The following ASTN2 variants were observed in gnomAD, a reference collection of about 807,000 sequenced individuals.
The protein encoded by ASTN2 is astrotactin-2.
ASTN2 carries 54 observed loss-of-function variants against 139.8 expected under a neutral mutation model. That is an observed-to-expected ratio of 0.39 (90% CI 0.31 to 0.48). The LOEUF (loss-of-function observed/expected upper bound fraction) is 0.48. ASTN2 is among the 20% of genes least tolerant of loss of function. The probability of loss-of-function intolerance (pLI) is 0.95; values close to 1 mark genes in which losing one functional copy is unlikely to be tolerated. For missense variants in ASTN2, 1,565 were observed against 1,725.1 expected, an observed-to-expected ratio of 0.91 and a Z score of 1.64; for synonymous variants, 756 against 719.5, an observed-to-expected ratio of 1.05 and a Z score of -0.81.
intron 5 of ASTN2, among the ~76,000 whole-genome samples, chr9:117,077,855 C>A (rs1828321931): frequency 6.6e-6 from 1 of 152,180 alleles, no homozygotes; most frequent in Admixed American, 6.5e-5. Flanking sequence ...GCCCTTCATC[C>A]AATGTTTGGA....
chr9:117,062,464 A>G (rs1839322075), intron 5 of ASTN2, among the ~76,000 whole-genome samples: 1 of 152,206 alleles, frequency 6.6e-6, no homozygotes, highest in African/African-American at 2.4e-5. Flanking sequence ...GCCCTGTGTA[A>G]GACCTACTGA....
intron 11 of ASTN2, among the ~76,000 whole-genome samples, chr9:116,839,424 G>A (rs4442215): frequency 0.25 from 38,545 of 151,784 alleles, 5,773 homozygotes; most frequent in East Asian, 0.5. Flanking sequence ...TAAATTTGCA[G>A]AATTGTGCAA....
At chr9:117,341,819 T>C (rs969748896) in intron 1 of ASTN2, among the ~76,000 whole-genome samples, 4 of 152,148 alleles carry the variant, frequency 2.6e-5, no homozygotes, top group Non-Finnish European at 5.9e-5. Context: ...AATGGGAAAA[T>C]CCTGCCTTGT....
intron 13 of ASTN2, among the ~76,000 whole-genome samples, chr9:116,805,109 A>AGGGTGT (rs1830995203): frequency 7.0e-6 from 1 of 143,022 alleles, no homozygotes. Context: ...GGATTTGGGG[A>AGGGTGT]GTGTGTGTGT....
intron 10 of ASTN2, among the ~76,000 whole-genome samples, chr9:116,883,891 CAGT>C: frequency 6.6e-6 from 1 of 152,202 alleles, no homozygotes. Context: ...TGAGTTTTGT[CAGT>C]AGAACAGACA....
At chr9:117,253,467 A>T (rs1054111145) in intron 2 of ASTN2, among the ~76,000 whole-genome samples, 3 of 152,180 alleles carry the variant, frequency 2.0e-5, no homozygotes, top group Admixed American at 2.0e-4. Flanking sequence ...CCCCAAGATA[A>T]AAAACGAGCT....
At chr9:117,328,306 A>G (rs1386703924) in intron 1 of ASTN2, among the ~76,000 whole-genome samples, 1 of 152,166 alleles carries the variant, frequency 6.6e-6, no homozygotes, top group African/African-American at 2.4e-5. Flanking sequence ...AGAGGAAGAT[A>G]GTATAGAATG....
chr9:117,400,682 T>C (rs531552241), intron 1 of ASTN2, among the ~76,000 whole-genome samples: 2 of 152,064 alleles, frequency 1.3e-5, no homozygotes, highest in Admixed American at 6.6e-5. Context: ...CCAGAAAGGA[T>C]AGAGAAGGAA....
At chr9:117,205,684 C>T (rs915281) in intron 3 of ASTN2, among the ~76,000 whole-genome samples, 63,169 of 151,956 alleles carry the variant, frequency 0.42, 14,172 homozygotes, top group Middle Eastern at 0.56. Context: ...GAATGCAGAA[C>T]CCAGAGCTCC....
intron 1 of ASTN2, among the ~76,000 whole-genome samples, chr9:117,334,484 C>CT (rs113282368): frequency 0.024 from 3,342 of 140,412 alleles, 44 homozygotes; most frequent in Non-Finnish European, 0.028. Flanking sequence ...TATATCAGGG[C>CT]TTTTTTTTTT....
chr9:117,249,125 A>G (rs758153947), intron 2 of ASTN2, among the ~76,000 whole-genome samples: 6 of 152,242 alleles, frequency 3.9e-5, no homozygotes, highest in Non-Finnish European at 8.8e-5. Context: ...AGGAAAGAAC[A>G]TAGCTGTGGC....
chr9:117,004,652 C>G (rs1015913394), intron 7 of ASTN2, among the ~76,000 whole-genome samples: 1 of 152,142 alleles, frequency 6.6e-6, no homozygotes, highest in South Asian at 2.1e-4. Flanking sequence ...GCACTGAGAC[C>G]TCTGACCTCT....
intron 16 of ASTN2, among the ~76,000 whole-genome samples, chr9:116,692,991 T>A (rs886148207): frequency 1.3e-5 from 2 of 152,180 alleles, no homozygotes; most frequent in African/African-American, 4.8e-5. Flanking sequence ...GCATTCTCAA[T>A]CAAAACTCTT....
intron 13 of ASTN2, among the ~76,000 whole-genome samples, chr9:116,803,315 C>CTTTT (rs61653195): frequency 7.3e-6 from 1 of 137,836 alleles, no homozygotes; most frequent in Non-Finnish European, 1.6e-5. Context: ...GATTTTTGTT[C>CTTTT]TTTTTTTTTT....
chr9:116,764,291 CA>C (rs943290684), intron 13 of ASTN2, among the ~76,000 whole-genome samples: 5 of 152,230 alleles, frequency 3.3e-5, no homozygotes, highest in African/African-American at 1.2e-4. Context: ...GTATGACCCA[CA>C]ACCATGACTG....
At chr9:116,886,379 CT>C (rs1262287088) in intron 10 of ASTN2, among the ~76,000 whole-genome samples, 1 of 152,152 alleles carries the variant, frequency 6.6e-6, no homozygotes, top group African/African-American at 2.4e-5. Flanking sequence ...TTCTTTCTTT[CT>C]TTTCTTTTTC....
chr9:116,520,591 T>C (rs4837585), intron 19 of ASTN2, among the ~76,000 whole-genome samples: 87,836 of 151,948 alleles, frequency 0.58, 26,102 homozygotes, highest in African/African-American at 0.71. Context: ...AGAACTGGAA[T>C]AAGAGAAGGA....
At chr9:117,079,101 A>G (rs1162073196) in intron 5 of ASTN2, among the ~76,000 whole-genome samples, 3 of 152,174 alleles carry the variant, frequency 2.0e-5, no homozygotes, top group Non-Finnish European at 4.4e-5. Context: ...CACACCTGTA[A>G]TCCCAGTACA....
At chr9:116,490,188 T>A (rs1397276710) in intron 19 of ASTN2, among the ~76,000 whole-genome samples, 1 of 149,012 alleles carries the variant, frequency 6.7e-6, no homozygotes. Context: ...TTATATCAGT[T>A]TCTTTCATAG....
Sources: gnomAD v4.1 joint callset for allele counts (sites outside exome capture counted in the v4.1 genomes callset) on GRCh38, gnomAD v4.1.1 for gene constraint, MANE v1.5 for transcripts, NCBI Gene and HGNC (gene_info 2026-07-23, HGNC 2026-07-21) for gene names.